TLN2: variants seen among roughly 807,000 people sequenced by gnomAD.
TLN2 encodes the protein talin-2.
Under a neutral mutation model 294.7 loss-of-function variants are expected in TLN2, and 118 were observed. That is an observed-to-expected ratio of 0.40 (90% confidence interval 0.34 to 0.47). The LOEUF is 0.47. Ranked by LOEUF, TLN2 falls within the 20% of genes least tolerant of loss-of-function variation. The pLI is 0.84. For synonymous variants in TLN2, 1,431 were observed against 1,304.5 expected, an observed-to-expected ratio of 1.10 and a Z score of -2.09; for missense variants, 3,083 against 3,282.2, an observed-to-expected ratio of 0.94 and a Z score of 1.48.
Position 62,425,196 on chromosome 15 carries a change from G to A in TLN2, c.-238+34511G>A, listed in dbSNP as rs992197930. On this transcript the variant is annotated intron_variant, in intron 1 of 58. Transcript: ENST00000636159. The stretch of plus-strand genomic sequence containing the variant: ...TCGAACTCCTGGCTTCAAGTGATCC[G>A]CTTGCCTCTGCCTCCTGAAGTGCTG... 4.6e-5 allele frequency among the ~76,000 whole-genome samples: 7 copies of A among 152,014 alleles called. No homozygotes were observed. The East Asian group carries it at 9.6e-4, about 21-fold the overall frequency.
At chr15:62,676,906 C>T (rs1033862809) in intron 11 of TLN2, among the ~76,000 whole-genome samples, 2 of 152,212 alleles carry the variant, frequency 1.3e-5, no homozygotes, top group African/African-American at 4.8e-5. Flanking sequence ...TGAGCCACCG[C>T]ACCCTATCTT....
intron 41 of TLN2, among the ~76,000 whole-genome samples, chr15:62,768,904 C>A (rs2063182841): frequency 6.6e-6 from 1 of 152,150 alleles, no homozygotes; most frequent in African/African-American, 2.4e-5. Context: ...ATTATTAATC[C>A]CCATTTTACA....
intron 52 of TLN2, among the ~76,000 whole-genome samples, chr15:62,818,744 G>C (rs1335931273): frequency 2.0e-5 from 3 of 152,154 alleles, no homozygotes; most frequent in Non-Finnish European, 4.4e-5. Flanking sequence ...TCAAGGACTT[G>C]AGTGGCGTGT....
At chr15:62,490,986 A>G (rs1419471202) in intron 1 of TLN2, among the ~76,000 whole-genome samples, 1 of 152,148 alleles carries the variant, frequency 6.6e-6, no homozygotes, top group East Asian at 1.9e-4. Flanking sequence ...TGGTTGGAGC[A>G]CAGCTTGGTT....
intron 1 of TLN2, among the ~76,000 whole-genome samples, chr15:62,469,911 A>G (rs964907295): frequency 2.0e-5 from 3 of 152,114 alleles, no homozygotes; most frequent in Admixed American, 2.0e-4. Flanking sequence ...CAAAATGGGC[A>G]TGGCTCTTGC....
rs559365791 is a variant in TLN2 at position 62,410,987 on chromosome 15, AAGC to A, written c.-238+20306_-238+20308del. ...ATCCATGTGCTTGCTGTGGTTGTGG[AAGC>A]AGCCTATTCTTGTAGAAGAGCCCTG... On this transcript the variant is annotated intron_variant, in intron 1 of 58. Coordinates refer to ENST00000636159, the MANE Select transcript of TLN2 (RefSeq NM_015059.3). Among the ~76,000 whole-genome samples the A allele has an allele frequency of 2.2e-3, 342 of 152,310 alleles. 1 individual carries two copies. The highest frequency in any genetic ancestry group is 5.9e-3 in the Admixed American group (91 of 15,296).
At chr15:62,839,120 C>T (rs2070253456) in intron 58 of TLN2, 139 bp downstream of exon 58, 1 of 1,242,918 alleles carries the variant, frequency 8.0e-7, no homozygotes, top group East Asian at 2.4e-5. Flanking sequence ...TCCTTCATGT[C>T]TGAGAGCCAG....
chr15:62,564,256 G>A (rs1395048447), intron 1 of TLN2, among the ~76,000 whole-genome samples: 2 of 152,108 alleles, frequency 1.3e-5, no homozygotes, highest in Non-Finnish European at 2.9e-5. Flanking sequence ...TCCTCTGGTG[G>A]GCTTCTCCCC....
At chr15:62,681,910 G>A (rs1383842093) in intron 11 of TLN2, among the ~76,000 whole-genome samples, 2 of 152,048 alleles carry the variant, frequency 1.3e-5, no homozygotes, top group African/African-American at 4.8e-5. Flanking sequence ...GTGCCACCAC[G>A]CCCAGCTAAT....
In TLN2 at chr15:62,647,251, G is replaced by C. The variant is rs901983241; in HGVS notation, c.-36-24G>C. 15 of 1,569,046 alleles carry C rather than the reference G, an allele frequency of 9.6e-6. 1 individual carries two copies. Among genetic ancestry groups the C allele is most frequent in the Middle Eastern group, 1.7e-4 (1 of 5,796 alleles). The stretch of plus-strand genomic sequence containing the variant: ...GACAAATTATTATCGTGAACATCAG[G>C]GTTTGTCTCTTTGTGTTTTCCAGAC... On this transcript the variant is annotated intron_variant, in intron 3 of 58. Coordinates refer to ENST00000636159, the MANE Select transcript of TLN2 (RefSeq NM_015059.3).
At chr15:62,411,546 T>C (rs1197781229) in intron 1 of TLN2, among the ~76,000 whole-genome samples, 1 of 151,802 alleles carries the variant, frequency 6.6e-6, no homozygotes, top group Non-Finnish European at 1.5e-5. Flanking sequence ...TTTTTTTCTT[T>C]TGGGTCATCT....
chr15:62,668,214 A>C (rs765300663), intron 9 of TLN2, among the ~76,000 whole-genome samples: 3 of 152,230 alleles, frequency 2.0e-5, no homozygotes, highest in Non-Finnish European at 4.4e-5. Flanking sequence ...TTTACAAAGG[A>C]AATTTACAAA....
At chr15:62,452,592 C>T (rs2036225732) in intron 1 of TLN2, among the ~76,000 whole-genome samples, 2 of 152,166 alleles carry the variant, frequency 1.3e-5, no homozygotes, top group Admixed American at 1.3e-4. Flanking sequence ...CTGCCCATTA[C>T]TGCTTATCCT....
chr15:62,748,534 T>C lies in TLN2; in HGVS notation c.4119+90T>C, dbSNP rs75848412. 1.6e-3 allele frequency: 1,810 copies of C among 1,100,060 alleles called. 21 individuals are homozygous for C. The African/African-American group carries it at 0.023, about 14-fold the overall frequency. The allele number at this position is 1,100,060 out of a possible 1,614,324, so 68.1% of individuals were successfully genotyped here. A position where few individuals can be genotyped will look rare whatever the true frequency, so the allele number is the denominator to read the frequency against. On this transcript the variant is annotated intron_variant, in intron 33 of 58. Coordinates refer to ENST00000636159, the MANE Select transcript of TLN2 (RefSeq NM_015059.3). ...GTCTGTCTGTCTATGTCTGTGTCTG[T>C]TCTTTCCCTATAGGGCTAGTTTTCT...
At chr15:62,827,839 C>T (rs1048909789) in intron 54 of TLN2, 4 of 152,142 alleles carry the variant, frequency 2.6e-5, no homozygotes, top group African/African-American at 7.2e-5. Context: ...ATACTAATCA[C>T]GTGCTTGTAA....
At chr15:62,461,618 C>T (rs1038609565) in intron 1 of TLN2, among the ~76,000 whole-genome samples, 1 of 152,216 alleles carries the variant, frequency 6.6e-6, no homozygotes, top group Non-Finnish European at 1.5e-5. Flanking sequence ...GGCTCTGGCT[C>T]AGGCCCTAGG....
At chr15:62,403,067 G>A (rs751347787) in intron 1 of TLN2, among the ~76,000 whole-genome samples, 6 of 152,110 alleles carry the variant, frequency 3.9e-5, no homozygotes, top group Admixed American at 1.3e-4. Flanking sequence ...GTGAAACCCC[G>A]TCTCTACTAA....
At chr15:62,820,666 G>T (rs2067485532) in intron 54 of TLN2, 56 bp downstream of exon 54, 1 of 1,583,148 alleles carries the variant, frequency 6.3e-7, no homozygotes, top group African/African-American at 1.3e-5. Context: ...CCAGTGGGTG[G>T]CTGTGAAATG....
At chr15:62,519,698 C>A (rs979669956) in intron 1 of TLN2, among the ~76,000 whole-genome samples, 5 of 152,152 alleles carry the variant, frequency 3.3e-5, no homozygotes, top group Admixed American at 1.3e-4. Flanking sequence ...TGTGTAGCAG[C>A]AAATTTCTGT....
Sources: gnomAD v4.1 joint callset for allele counts (sites outside exome capture counted in the v4.1 genomes callset) on GRCh38, gnomAD v4.1.1 for gene constraint, MANE v1.5 for transcripts, NCBI Gene and HGNC (gene_info 2026-07-23, HGNC 2026-07-21) for gene names.